The following LTBP3 variants were observed in gnomAD, a reference collection of about 807,000 sequenced individuals.
The protein encoded by LTBP3 is latent transforming growth factor beta binding protein 3.
In LTBP3, 97 loss-of-function variants were observed where a neutral mutation model predicts 159.7. The observed-to-expected ratio is 0.61, with a 90% CI of 0.52 to 0.72. The LOEUF is 0.72. LTBP3 is among the 30% of genes least tolerant of loss of function. The probability of loss-of-function intolerance (pLI) is 0.00; values close to 1 mark genes in which losing one functional copy is unlikely to be tolerated. For missense variants in LTBP3, 1,584 were observed against 1,864.3 expected, an observed-to-expected ratio of 0.85 and a Z score of 2.77; for synonymous variants, 824 against 777.1, an observed-to-expected ratio of 1.06 and a Z score of -1.00.
chr11:65,546,502 A>G lies in LTBP3; in HGVS notation c.2293T>C (p.Ser765Pro). 3 of 1,599,064 alleles carry G rather than the reference A, an allele frequency of 1.9e-6. No individual in the cohort carries two copies. Among genetic ancestry groups the G allele is most frequent in the South Asian group, 2.2e-5 (2 of 90,574 alleles). ...SPGWCENLPG[S>P]FRCTCAQGYA... ...CCCTGGGCACAGGTGCAGCGGAAGG[A>G]GCCCGGGAGGTTCTCGCACCAGCCA... Residue 765 changes from serine to proline, a missense_variant, in exon 16 of 28, where the codon TCC (serine) becomes CCC (proline). By Grantham distance (74) the Ser-to-Pro change is moderately conservative. Transcript: ENST00000301873. The surrounding 1 kb of genome is among the most constrained non-coding windows in gnomAD (Gnocchi z 4.0).
rs1457221700 is a variant in LTBP3 at position 65,554,376 on chromosome 11, C to T, written c.336G>A (p.Val112=). The T allele has an allele frequency of 6.2e-7, 1 of 1,611,244 alleles. No homozygotes were observed. Among genetic ancestry groups the T allele is most frequent in the East Asian group, 2.2e-5 (1 of 44,822 alleles). The stretch of plus-strand genomic sequence containing the variant: ...CGCCATTCATGCAGGGGAGAGGGCA[C>T]ACCACTGGGGAGAAGAGTGGGGTCA... ...TLTGSGFRVV[V]CPLPCMNGGQ... is the part of the protein sequence containing the mutation. The change falls in exon 2 of 28, where the codon GTG becomes GTA. Residue 112 remains valine, a synonymous_variant. Transcript: ENST00000301873. The surrounding 1 kb of genome is among the most constrained non-coding windows in gnomAD (Gnocchi z 5.3).
At chr11:65,551,605 G>A (rs1290200215) in intron 8 of LTBP3, 41 bp from the exon 9 acceptor site, 3 of 1,613,708 alleles carry the variant, frequency 1.9e-6, no homozygotes, top group Non-Finnish European at 1.7e-6. Context: ...GTTGGGGCGG[G>A]AGAAGGGAGT....
chr11:65,548,289 A>C, intron 11 of LTBP3: 1 of 631,982 alleles, frequency 1.6e-6, no homozygotes, highest in South Asian at 1.9e-5. Context: ...GGATACTTCC[A>C]TTCCCGGTTC....
Position 65,554,493 on chromosome 11 carries a change from C to A in LTBP3, c.332-113G>T. 1.3e-6 allele frequency: 1 copy of A among 796,080 alleles called. No individual in the cohort carries two copies. The highest frequency in any genetic ancestry group is 2.6e-5 in the Admixed American group (1 of 38,544). The allele number at this position is 796,080 out of a possible 1,614,324, so 49.3% of individuals were successfully genotyped here. A position where few individuals can be genotyped will look rare whatever the true frequency, so the allele number is the denominator to read the frequency against. ...TCTTGGGAAGCCAGGTTTTGAGATA[C>A]ATCCTACATAGGGAAACTGCCCTCT... On this transcript the variant is annotated intron_variant, in intron 1 of 27. Coordinates refer to ENST00000301873, the MANE Select transcript of LTBP3 (RefSeq NM_001130144.3). The surrounding 1 kb of genome is among the most constrained non-coding windows in gnomAD (Gnocchi z 5.3).
At chr11:65,548,143 A>G in intron 11 of LTBP3, 98 bp from the exon 12 acceptor site, 1 of 1,565,388 alleles carries the variant, frequency 6.4e-7, no homozygotes, top group Non-Finnish European at 8.8e-7. Flanking sequence ...CCATGACCTC[A>G]GGTTCCTGTA....
At position 65,557,956 on chromosome 11, in the gene LTBP3, G is replaced by A; in HGVS notation, c.4C>T (p.Pro2Ser). The A allele has an allele frequency of 1.7e-6, 2 of 1,162,178 alleles. No homozygotes were observed. Among genetic ancestry groups the A allele is most frequent in the Non-Finnish European group, 2.1e-6 (2 of 945,952 alleles). The allele number at this position is 1,162,178 out of a possible 1,614,324, so 72.0% of individuals were successfully genotyped here. A position where few individuals can be genotyped will look rare whatever the true frequency, so the allele number is the denominator to read the frequency against. The change falls in exon 1 of 28, where the codon CCC becomes TCC. Residue 2 changes from proline to serine, a missense_variant. Pro to Ser is a moderately conservative substitution (Grantham distance 74, BLOSUM62 -1). Coordinates refer to ENST00000301873, the MANE Select transcript of LTBP3 (RefSeq NM_001130144.3). M[P>S]GPRGAAGGLA... ...CCGCCAGCAGCCCCTCGGGGCCCGGGCATCCGGGGCCGCAGGACCCGGGGG... is the reference window on the plus strand; with the variant it reads ...CCGCCAGCAGCCCCTCGGGGCCCGGACATCCGGGGCCGCAGGACCCGGGGG...
chr11:65,543,964 G>A (rs1856264067), intron 16 of LTBP3: 2 of 309,022 alleles, frequency 6.5e-6, no homozygotes, highest in African/African-American at 2.2e-5. Context: ...GATGGAGCCA[G>A]TTGTTGCCCA....
rs781555170 is a variant in LTBP3 at position 65,546,458 on chromosome 11, G to C, written c.2337C>G (p.Asp779Glu). The C allele has an allele frequency of 4.2e-5, 66 of 1,572,630 alleles. 3 individuals are homozygous for C. In the South Asian group the frequency reaches 7.2e-4, roughly 17 times the overall value. Residue 779 changes from aspartate to glutamate, a missense_variant, in exon 16 of 28, where the codon GAC becomes GAG. By Grantham distance (45) the Asp-to-Glu change is conservative (BLOSUM62 2). Around this residue, in one of 6 missense-constraint regions of LTBP3, gnomAD observed 565 missense variants for 677.7 expected, o/e 0.83. Transcript: ENST00000301873. This position sits in a 1 kb window ranked among gnomAD's most constrained non-coding sequence, Gnocchi z 4.0. ...TCAQGYAPAP[D>E]GRSCLDVDEC... ...GGCGCTCACCCAAGCAACTGCGGCC[G>C]TCGGGCGCGGGCGCGTAGCCCTGGG...
chr11:65,550,269 G>A (rs956900813), intron 11 of LTBP3, among the ~76,000 whole-genome samples: 4 of 151,934 alleles, frequency 2.6e-5, no homozygotes, highest in Non-Finnish European at 4.4e-5. Context: ...AAAATTAGCC[G>A]GGTGTGGTGG....
chr11:65,540,989 G>A (rs1369175928), intron 20 of LTBP3, 35 bp from the exon 21 acceptor site: 24 of 1,601,368 alleles, frequency 1.5e-5, no homozygotes, highest in Non-Finnish European at 2.0e-5. Flanking sequence ...GAGGGAAGAG[G>A]CAGGACTGAG....
Position 65,547,003 on chromosome 11 carries a change from T to C in LTBP3, c.2108-83A>G. On this transcript the variant is annotated intron_variant, in intron 14 of 27. Transcript: ENST00000301873. The surrounding 1 kb of genome is among the most constrained non-coding windows in gnomAD (Gnocchi z 4.6). ...CCCAGCGTCCACAGCAGGGACTTCC[T>C]CCCACACAGATCAACGAGGCTCCCG... 1 of 1,580,296 alleles carries C rather than the reference T, an allele frequency of 6.3e-7. No homozygotes were observed. Among genetic ancestry groups the C allele is most frequent in the East Asian group, 2.2e-5 (1 of 44,566 alleles).
In LTBP3 at chr11:65,553,637, A is replaced by T. The variant is rs1195639376; in HGVS notation, c.864+64T>A. Reference sequence around the variant, plus strand: ...CCGCCCCTCAGTTTTCTGCTATCCGAGTGAGTTGGGGCAGAGCAACCCTGA... The same window carrying T: ...CCGCCCCTCAGTTTTCTGCTATCCGTGTGAGTTGGGGCAGAGCAACCCTGA... On this transcript the variant is annotated intron_variant, in intron 3 of 27. Coordinates refer to ENST00000301873, the MANE Select transcript of LTBP3 (RefSeq NM_001130144.3). The surrounding 1 kb of genome is among the most constrained non-coding windows in gnomAD (Gnocchi z 6.5). The T allele has an allele frequency of 2.0e-6, 3 of 1,526,408 alleles. No individual in the cohort carries two copies. The highest frequency in any genetic ancestry group is 2.7e-5 in the African/African-American group (2 of 72,946). The allele number at this position is 1,526,408 out of a possible 1,614,324, so 94.6% of individuals were successfully genotyped here.
rs1856613375 is a variant in LTBP3, at chr11:65,551,531, T to C, written c.1548+17A>G. 6.2e-7 allele frequency: 1 copy of C among 1,613,948 alleles called. No individual in the cohort carries two copies. Among genetic ancestry groups the C allele is most frequent in the Admixed American group, 1.7e-5 (1 of 59,996 alleles). On this transcript the variant is annotated intron_variant, in intron 9 of 27. Coordinates refer to ENST00000301873, the MANE Select transcript of LTBP3 (RefSeq NM_001130144.3). ...CCCTCGCCTGCCCACCCCTCCCATC[T>C]GGGTTCTCATACTCACTGAGTCCGT...
In LTBP3 at chr11:65,557,985, G is replaced by T; in HGVS notation, c.-26C>A. Reference sequence around the variant, plus strand: ...CCGGGGCCGCAGGACCCGGGGGAGGGGGGGCGCGCCCGGGCGGGGCGAGGG... The same window carrying T: ...CCGGGGCCGCAGGACCCGGGGGAGGTGGGGCGCGCCCGGGCGGGGCGAGGG... On this transcript the variant is annotated 5_prime_UTR_variant, in exon 1 of 28. Coordinates refer to ENST00000301873, the MANE Select transcript of LTBP3 (RefSeq NM_001130144.3). The T allele has an allele frequency of 8.9e-7, 1 of 1,126,298 alleles. No individual in the cohort carries two copies. The highest frequency in any genetic ancestry group is 1.1e-6 in the Non-Finnish European group (1 of 921,974). 69.8% of individuals were successfully genotyped at this position (1,126,298 alleles called of 1,614,324 possible). A position where few individuals can be genotyped will look rare whatever the true frequency, so the allele number is the denominator to read the frequency against.
In LTBP3 at chr11:65,552,415, G is replaced by A. The variant is rs753155520; in HGVS notation, c.1187-9C>T. The A allele has an allele frequency of 1.7e-5, 28 of 1,611,970 alleles. No individual in the cohort carries two copies. The South Asian group carries it at 1.9e-4, about 11-fold the overall frequency. On this transcript the variant is annotated splice_polypyrimidine_tract_variant and intron_variant, in intron 6 of 27. Transcript: ENST00000301873. The surrounding 1 kb of genome is among the most constrained non-coding windows in gnomAD (Gnocchi z 6.0). ...CTCCTCCGGTTTGTCTGCTGCAGGG[G>A]CCAGTGGGGGGCATGGGCATCTGAG...
chr11:65,540,561 C>G lies in LTBP3; in HGVS notation c.3031G>C (p.Val1011Leu). 2 of 1,613,890 alleles carry G rather than the reference C, an allele frequency of 1.2e-6. No homozygotes were observed. Among genetic ancestry groups the G allele is most frequent in the Non-Finnish European group, 8.5e-7 (1 of 1,179,914 alleles). ...GSEICKEGKCVNTQPGYECYC... is the reference protein window; with the variant it reads ...GSEICKEGKCLNTQPGYECYC... The stretch of plus-strand genomic sequence containing the variant: ...CACTCGTAGCCAGGCTGCGTGTTCA[C>G]GCACTTGCCCTCCTTGCAAATCTCC... The change falls in exon 22 of 28, where the codon GTG (valine) becomes CTG (leucine). Residue 1011 changes from valine (V) to leucine (L), a missense_variant. This residue lies in a region of LTBP3 where 514 missense variants were observed against 530.3 expected (regional missense o/e 0.97). Coordinates refer to ENST00000301873, the MANE Select transcript of LTBP3 (RefSeq NM_001130144.3).
chr11:65,542,951 T>C, intron 18 of LTBP3, 154 bp downstream of exon 18: 2 of 939,204 alleles, frequency 2.1e-6, no homozygotes, highest in Non-Finnish European at 3.3e-6. Flanking sequence ...GATGGATGGA[T>C]GGATGGATGG....
At position 65,546,717 on chromosome 11, in the gene LTBP3, A is replaced by AAC; in HGVS notation, c.2230+80_2230+81insGT. The AAC allele has an allele frequency of 1.3e-6, 2 of 1,519,256 alleles. No homozygotes were observed. The highest frequency in any genetic ancestry group is 1.8e-6 in the Non-Finnish European group (2 of 1,131,156). The allele number at this position is 1,519,256 out of a possible 1,614,324, so 94.1% of individuals were successfully genotyped here. A position where few individuals can be genotyped will look rare whatever the true frequency, so the allele number is the denominator to read the frequency against. Reference sequence around the variant, plus strand: ...CCCCCAGACGCCAATCACCACCGCTACCCCGCCCCGCCCCCAGCGGAGCCA... The same window carrying AAC: ...CCCCCAGACGCCAATCACCACCGCTAACCCCCGCCCCGCCCCCAGCGGAGCCA... On this transcript the variant is annotated intron_variant, in intron 15 of 27. Transcript: ENST00000301873. This position sits in a 1 kb window ranked among gnomAD's most constrained non-coding sequence, Gnocchi z 4.0.
At chr11:65,551,614 G>A (rs1296913197) in intron 8 of LTBP3, 50 bp from the exon 9 acceptor site, 2 of 1,611,792 alleles carry the variant, frequency 1.2e-6, no homozygotes, top group African/African-American at 2.7e-5. Context: ...GGAGAAGGGA[G>A]TCAGATCTGG....
Sources: gnomAD v4.1 joint callset for allele counts (sites outside exome capture counted in the v4.1 genomes callset) on GRCh38, gnomAD v4.1.1 for gene constraint, gnomAD v4.1.1 regional missense constraint, Gnocchi (gnomAD v3.1) non-coding constraint, MANE v1.5 for transcripts, NCBI Gene and HGNC (gene_info 2026-07-23, HGNC 2026-07-21) for gene names.